Variants in LMOD2 observed in about 807,000 individuals in gnomAD.
LMOD2 encodes leiomodin 2, also known as leiomodin-2.
Under a neutral mutation model 41.7 loss-of-function variants are expected in LMOD2, and 27 were observed. That is an observed-to-expected ratio of 0.65 (90% confidence interval 0.48 to 0.89). LMOD2 has a LOEUF of 0.89. LMOD2 is among the 40% of genes least tolerant of loss of function. The pLI, the probability that LMOD2 is intolerant of heterozygous loss-of-function variation, is 0.00. For missense variants in LMOD2, 624 were observed against 667.9 expected, an observed-to-expected ratio of 0.93 and a Z score of 0.72; for synonymous variants, 251 against 244.6, an observed-to-expected ratio of 1.03 and a Z score of -0.25.
At chr7:123,663,651 T>C in intron 2 of LMOD2, 68 bp from the exon 3 acceptor site, 1 of 1,335,156 alleles carries the variant, frequency 7.5e-7, no homozygotes, top group Non-Finnish European at 1.1e-6. Flanking sequence ...GCTAGAGACA[T>C]ATCCTACAGA....
chr7:123,662,294 C>G lies in LMOD2; in HGVS notation c.708C>G (p.Leu236=). 1 of 1,614,026 alleles carries G rather than the reference C, an allele frequency of 6.2e-7. No individual in the cohort carries two copies. Among genetic ancestry groups the G allele is most frequent in the Non-Finnish European group, 8.5e-7 (1 of 1,179,892 alleles). ...CCCTTACCCGCTTTGCTGAAGCCCT[C>G]AAGGACAACACTGTGGTGAAGACGT... ...TQTLTRFAEA[L]KDNTVVKTFS... Residue 236 remains leucine, a synonymous_variant, in exon 2 of 3, where the codon CTC becomes CTG. Transcript: ENST00000458573. This position sits in a 1 kb window ranked among gnomAD's most constrained non-coding sequence, Gnocchi z 4.0.
Position 123,663,299 on chromosome 7 carries a change from T to C in LMOD2, c.1617+96T>C. ...CCAAAGTCACCTCTCACAATACTTA[T>C]CAATACTTTCAATATTTTAGTATGC... On this transcript the variant is annotated intron_variant, in intron 2 of 2. Transcript: ENST00000458573. 12 of 1,364,292 alleles carry C rather than the reference T, an allele frequency of 8.8e-6. No individual in the cohort carries two copies. In the South Asian group the frequency reaches 1.4e-4, roughly 16 times the overall value. 84.5% of individuals were successfully genotyped at this position (1,364,292 alleles called of 1,614,324 possible). A position where few individuals can be genotyped will look rare whatever the true frequency, so the allele number is the denominator to read the frequency against.
At chr7:123,660,633 G>A (rs776297952) in intron 1 of LMOD2, among the ~76,000 whole-genome samples, 5 of 151,572 alleles carry the variant, frequency 3.3e-5, no homozygotes, top group Non-Finnish European at 7.4e-5. Flanking sequence ...TCAGGGCCTG[G>A]AGGACAGGGC....
At chr7:123,660,957 T>C (rs1474360776) in intron 1 of LMOD2, among the ~76,000 whole-genome samples, 1 of 152,224 alleles carries the variant, frequency 6.6e-6, no homozygotes, top group Admixed American at 6.5e-5. Flanking sequence ...CCATCCACTT[T>C]ACTGATTAGA....
chr7:123,658,123 C>T (rs573112535), intron 1 of LMOD2, among the ~76,000 whole-genome samples: 80 of 151,922 alleles, frequency 5.3e-4, no homozygotes, highest in Middle Eastern at 3.4e-3. Flanking sequence ...AAGAGCAAAA[C>T]CTATCGTCAG....
chr7:123,662,084 T>G lies in LMOD2; in HGVS notation c.498T>G (p.Phe166Leu), dbSNP rs1562951327. ...CTGACAACTCTAAGCCAAAGATATT[T>G]AAAAGTCAAATAGAGAACATAAATT... ...VNSDNSKPKI[F>L]KSQIENINLT... The change falls in exon 2 of 3, where the codon TTT (phenylalanine) becomes TTG (leucine). Residue 166 changes from phenylalanine (F) to leucine (L), a missense_variant. By Grantham distance (22) the Phe-to-Leu change is conservative. Transcript: ENST00000458573. This position sits in a 1 kb window ranked among gnomAD's most constrained non-coding sequence, Gnocchi z 4.0. The G allele has an allele frequency of 6.2e-7, 1 of 1,608,722 alleles. No homozygotes were observed. Among genetic ancestry groups the G allele is most frequent in the Non-Finnish European group, 8.5e-7 (1 of 1,177,220 alleles).
rs1584844376 is a variant in LMOD2, at chr7:123,662,990, T to C, written c.1404T>C (p.Ser468=). 1.3e-6 allele frequency: 2 copies of C among 1,550,242 alleles called. No homozygotes were observed. Among genetic ancestry groups the C allele is most frequent in the African/African-American group, 1.4e-5 (1 of 71,986 alleles). The change falls in exon 2 of 3, where the codon AGT becomes AGC. Residue 468 remains serine (S), a synonymous_variant. Transcript: ENST00000458573. The surrounding 1 kb of genome is among the most constrained non-coding windows in gnomAD (Gnocchi z 4.0). The part of the protein sequence containing the change: ...NIAEVIKQQE[S]AQRALQNGQK... The stretch of plus-strand genomic sequence containing the variant: ...CAGAAGTCATCAAACAACAGGAGAG[T>C]GCCCAACGGGCATTACAAAATGGAC...
chr7:123,657,675 TAATAA>T (rs1336707028), intron 1 of LMOD2, among the ~76,000 whole-genome samples: 1 of 151,980 alleles, frequency 6.6e-6, no homozygotes, highest in Non-Finnish European at 1.5e-5. Context: ...AAACTCTCTT[TAATAA>T]AATAAAACTG....
chr7:123,663,077 A>T lies in LMOD2; in HGVS notation c.1491A>T (p.Lys497Asn). Residue 497 changes from lysine to asparagine, a missense_variant, in exon 2 of 3, where the codon AAA (lysine) becomes AAT (asparagine). Transcript: ENST00000458573. Reference protein sequence around the residue: ...KQPNSILKEIKNSLRSVQEKK... With the variant: ...KQPNSILKEINNSLRSVQEKK... ...CAAACAGTATTCTAAAGGAAATAAA[A>T]AATTCTCTGAGGTCAGTGCAAGAGA... 4 of 1,559,082 alleles carry T rather than the reference A, an allele frequency of 2.6e-6. No homozygotes were observed. Among genetic ancestry groups the T allele is most frequent in the Non-Finnish European group, 3.5e-6 (4 of 1,151,320 alleles).
In LMOD2 at chr7:123,662,367, G is replaced by GAT; in HGVS notation, c.781_782insAT (p.Ala261AspfsTer14). On this transcript the variant is annotated frameshift_variant, in exon 2 of 3. Coordinates refer to ENST00000458573, the MANE Select transcript of LMOD2 (RefSeq NM_207163.3). LOFTEE classifies it high-confidence loss of function. This position sits in a 1 kb window ranked among gnomAD's most constrained non-coding sequence, Gnocchi z 4.0. ...CGACGACAGTGCAGCCATGGCCATT[G>GAT]CAGAGATGCTCAAAGTCAATGAGCA... 1 of 1,613,964 alleles carries GAT rather than the reference G, an allele frequency of 6.2e-7. No individual in the cohort carries two copies. The highest frequency in any genetic ancestry group is 8.5e-7 in the Non-Finnish European group (1 of 1,179,894).
intron 1 of LMOD2, among the ~76,000 whole-genome samples, chr7:123,660,307 CCTCTCTCTCTCT>C (rs748951399): frequency 9.0e-6 from 1 of 111,000 alleles, no homozygotes; most frequent in Non-Finnish European, 2.0e-5. Flanking sequence ...TCTCTCTCTC[CCTCTCTCTCTCT>C]CTCTCACACA....
intron 1 of LMOD2, among the ~76,000 whole-genome samples, chr7:123,659,008 A>T (rs1429007060): frequency 6.6e-6 from 1 of 152,194 alleles, no homozygotes; most frequent in African/African-American, 2.4e-5. Context: ...AAATTCATGT[A>T]TAACTTTTGA....
chr7:123,663,590 A>T, intron 2 of LMOD2, 129 bp from the exon 3 acceptor site: 1 of 763,434 alleles, frequency 1.3e-6, no homozygotes, highest in Non-Finnish European at 2.2e-6. Context: ...TAATGTGGTA[A>T]AAAAATTACC....
In LMOD2 at chr7:123,663,171, A is replaced by G. The variant is rs777055661; in HGVS notation, c.1585A>G (p.Ile529Val). 7.8e-5 allele frequency: 122 copies of G among 1,570,200 alleles called. No homozygotes were observed. The highest frequency in any genetic ancestry group is 1.0e-4 in the Non-Finnish European group (118 of 1,157,448). ...AGCTCATGAGAATCTCATGGAAGCA[A>G]TTCGGGGAAGCAGCATAAAACAGCT... is the stretch of plus-strand genomic sequence containing the variant. The part of the protein sequence containing the change: ...RSAHENLMEA[I>V]RGSSIKQLKR... The change falls in exon 2 of 3, where the codon ATT becomes GTT. Residue 529 changes from isoleucine (I) to valine (V), a missense_variant. By Grantham distance (29) the Ile-to-Val change is conservative. Coordinates refer to ENST00000458573, the MANE Select transcript of LMOD2 (RefSeq NM_207163.3).
At position 123,656,151 on chromosome 7, in the gene LMOD2, C is replaced by T; in HGVS notation, c.188C>T (p.Thr63Ile). The part of the protein sequence containing the change: ...KSLTEKTPTG[T>I]FSREALMAYW... ...CTGACAGAGAAAACCCCCACAGGGACATTCAGCAGAGAGGCACTGATGGCC... is the reference window on the plus strand; with the variant it reads ...CTGACAGAGAAAACCCCCACAGGGATATTCAGCAGAGAGGCACTGATGGCC... Residue 63 changes from threonine to isoleucine, a missense_variant, in exon 1 of 3, where the codon ACA becomes ATA. Coordinates refer to ENST00000458573, the MANE Select transcript of LMOD2 (RefSeq NM_207163.3). The T allele has an allele frequency of 6.2e-7, 1 of 1,609,752 alleles. No homozygotes were observed. Among genetic ancestry groups the T allele is most frequent in the Non-Finnish European group, 8.5e-7 (1 of 1,178,102 alleles).
chr7:123,656,111 C>G lies in LMOD2; in HGVS notation c.148C>G (p.Leu50Val). 6.2e-7 allele frequency: 1 copy of G among 1,611,210 alleles called. No individual in the cohort carries two copies. The highest frequency in any genetic ancestry group is 8.5e-7 in the Non-Finnish European group (1 of 1,178,690). Residue 50 changes from leucine to valine, a missense_variant, in exon 1 of 3, where the codon CTA becomes GTA. Leu to Val is a conservative substitution (Grantham distance 32). Transcript: ENST00000458573. Reference protein sequence around the residue: ...IEPDRNLPVGLRQKSLTEKTP... With the variant: ...IEPDRNLPVGVRQKSLTEKTP... ...ACCTGACCGCAACCTTCCCGTGGGG[C>G]TAAGGCAAAAGAGCCTGACAGAGAA...
At chr7:123,659,225 T>A (rs1427202447) in intron 1 of LMOD2, among the ~76,000 whole-genome samples, 1 of 152,134 alleles carries the variant, frequency 6.6e-6, no homozygotes, top group Middle Eastern at 3.2e-3. Flanking sequence ...TCCCTTGCCA[T>A]CTCATCTCCC....
At chr7:123,656,369 A>G in intron 1 of LMOD2, 133 bp downstream of exon 1, 1 of 936,702 alleles carries the variant, frequency 1.1e-6, no homozygotes, top group Non-Finnish European at 1.6e-6. Flanking sequence ...ACTTGCTACT[A>G]AATCATTTTT....
chr7:123,663,350 C>A, intron 2 of LMOD2, 147 bp downstream of exon 2: 1 of 1,019,884 alleles, frequency 9.8e-7, no homozygotes, highest in Non-Finnish European at 1.4e-6. Context: ...AAGTTTGAAA[C>A]ATTAGGAGCA....
Sources: gnomAD v4.1 joint callset for allele counts (sites outside exome capture counted in the v4.1 genomes callset) on GRCh38, gnomAD v4.1.1 for gene constraint, Gnocchi (gnomAD v3.1) non-coding constraint, MANE v1.5 for transcripts, NCBI Gene and HGNC (gene_info 2026-07-23, HGNC 2026-07-21) for gene names.